Variants in MGAT4C observed in about 807,000 individuals in gnomAD.
MGAT4C encodes MGAT4 family member C.
In MGAT4C, 19 loss-of-function variants were observed where a neutral mutation model predicts 40.1. That is an observed-to-expected ratio of 0.47 (90% CI 0.33 to 0.70). The LOEUF is 0.70. Ranked by LOEUF, MGAT4C falls within the 30% of genes least tolerant of loss-of-function variation. The pLI is 0.02. For synonymous variants in MGAT4C, 181 were observed against 187.1 expected (o/e 0.97, Z 0.27); for missense variants, 491 against 563.2 (o/e 0.87, Z 1.30).
intron 4 of MGAT4C, among the ~76,000 whole-genome samples, chr12:86,296,051 AC>A (rs1953664873): frequency 1.6e-5 from 1 of 61,794 alleles, no homozygotes; most frequent in East Asian, 1.6e-3. Context: ...CCTGAGCTAG[AC>A]ATAAAGACTC....
chr12:86,713,315 T>C (rs377628556), intron 2 of MGAT4C, among the ~76,000 whole-genome samples: 6 of 152,218 alleles, frequency 3.9e-5, no homozygotes, highest in African/African-American at 1.2e-4. Context: ...TGGTTCTTTT[T>C]TCTCCCAAAT....
chr12:86,253,556 C>T (rs1592595291), intron 1 of MGAT4C, among the ~76,000 whole-genome samples: 1 of 151,866 alleles, frequency 6.6e-6, no homozygotes, highest in Non-Finnish European at 1.5e-5. Flanking sequence ...TGTATATATA[C>T]ACAAGGTTGA....
At chr12:86,618,539 C>T (rs1453012447) in intron 2 of MGAT4C, among the ~76,000 whole-genome samples, 31 of 151,970 alleles carry the variant, frequency 2.0e-4, no homozygotes, top group Non-Finnish European at 4.4e-5. Context: ...ATAGATGGAA[C>T]TGGAGGTGAT....
rs1592899682 is a variant in MGAT4C, at chr12:86,481,396, C to A, written c.-228-46131G>T. On this transcript the variant is annotated intron_variant, in intron 2 of 7. Transcript: ENST00000548651. ...TGCTTTTGTTAGCAGTGTGCATTGA[C>A]ACAACCTTCTGGAGTTTAGTCTAAC... Among the ~76,000 whole-genome samples, 3 of 152,144 alleles carry A rather than the reference C, an allele frequency of 2.0e-5. No homozygotes were observed. The East Asian group carries it at 5.8e-4, about 29-fold the overall frequency.
rs944069482 is a variant in MGAT4C, at chr12:85,956,011, T to A, written c.*23278A>T. Reference sequence around the variant, plus strand: ...AAATTAAGTCCATGAATACATATAGTAAAATGTAGAGGTTTTCAATTGGTT... The same window carrying A: ...AAATTAAGTCCATGAATACATATAGAAAAATGTAGAGGTTTTCAATTGGTT... On this transcript the variant is annotated 3_prime_UTR_variant, in exon 5 of 5. Coordinates refer to ENST00000611864, the MANE Select transcript of MGAT4C (RefSeq NM_001351288.2). The A allele has an allele frequency of 2.6e-5, 4 of 152,180 alleles. No individual in the cohort carries two copies. Among genetic ancestry groups the A allele is most frequent in the Non-Finnish European group, 1.5e-5 (1 of 68,006 alleles). The allele number at this position is 152,180 out of a possible 1,614,324, so 9.4% of individuals were successfully genotyped here.
rs1379198782 is a variant in MGAT4C at position 86,705,188 on chromosome 12, T to C, written c.-229+22021A>G. On this transcript the variant is annotated intron_variant, in intron 2 of 7. Transcript: ENST00000548651. ...TGGTCTTCCAAGGTTTTCTAAACTCTCTAATTATCTATCTATCTGTCTATT... is the reference window on the plus strand; with the variant it reads ...TGGTCTTCCAAGGTTTTCTAAACTCCCTAATTATCTATCTATCTGTCTATT... 3.3e-5 allele frequency among the ~76,000 whole-genome samples: 5 copies of C among 151,540 alleles called. No individual in the cohort carries two copies. In the East Asian group the frequency reaches 9.7e-4, roughly 30 times the overall value.
chr12:86,233,937 T>C (rs1592531067), intron 1 of MGAT4C, among the ~76,000 whole-genome samples: 1 of 152,200 alleles, frequency 6.6e-6, no homozygotes, highest in African/African-American at 2.4e-5. Context: ...TACAAGCTTA[T>C]AATATGTATT....
chr12:86,356,174 G>A (rs961541569), intron 3 of MGAT4C, among the ~76,000 whole-genome samples: 1 of 152,042 alleles, frequency 6.6e-6, no homozygotes, highest in South Asian at 2.1e-4. Flanking sequence ...AATATATTTT[G>A]AAAGAATCCA....
intron 1 of MGAT4C, among the ~76,000 whole-genome samples, chr12:86,119,728 T>C (rs1276794894): frequency 6.7e-6 from 1 of 150,334 alleles, no homozygotes; most frequent in Non-Finnish European, 1.5e-5. Flanking sequence ...CATTCTTTTT[T>C]TTTTTTTTTT....
At chr12:86,771,504 T>C (rs1593192058) in intron 1 of MGAT4C, among the ~76,000 whole-genome samples, 2 of 152,000 alleles carry the variant, frequency 1.3e-5, no homozygotes, top group East Asian at 3.9e-4. Flanking sequence ...AAAAGATAGC[T>C]GTAGAAAAAG....
intron 1 of MGAT4C, among the ~76,000 whole-genome samples, chr12:86,056,288 G>T (rs765613246): frequency 6.6e-6 from 1 of 152,128 alleles, no homozygotes; most frequent in East Asian, 1.9e-4. Flanking sequence ...ACAACGTGCA[G>T]GTTTGTTACA....
intron 1 of MGAT4C, among the ~76,000 whole-genome samples, chr12:86,105,847 CA>C (rs1876060564): frequency 6.6e-6 from 1 of 152,140 alleles, no homozygotes; most frequent in Admixed American, 6.6e-5. Flanking sequence ...CTGCCCCAAA[CA>C]GTTAAACGCA....
chr12:86,609,180 A>G (rs1962157849), intron 2 of MGAT4C, among the ~76,000 whole-genome samples: 1 of 152,160 alleles, frequency 6.6e-6, no homozygotes, highest in Non-Finnish European at 1.5e-5. Context: ...GTTAGAAAAA[A>G]CATGCAAAAT....
intron 1 of MGAT4C, among the ~76,000 whole-genome samples, chr12:86,758,663 A>T (rs549119981): frequency 6.4e-4 from 98 of 152,186 alleles, no homozygotes; most frequent in African/African-American, 2.2e-3. Flanking sequence ...TTCATATTCA[A>T]ATGAATATAG....
At chr12:86,347,786 C>T (rs1201151077) in intron 3 of MGAT4C, among the ~76,000 whole-genome samples, 2 of 152,152 alleles carry the variant, frequency 1.3e-5, no homozygotes, top group African/African-American at 4.8e-5. Context: ...TCCTAGCCAA[C>T]AATTCCTGAC....
At chr12:86,090,085 T>G (rs1244581519) in intron 1 of MGAT4C, among the ~76,000 whole-genome samples, 1 of 151,690 alleles carries the variant, frequency 6.6e-6, no homozygotes, top group African/African-American at 2.4e-5. Context: ...AATTATAATA[T>G]AGAATTGTAA....
chr12:86,401,049 A>C (rs1403917193), intron 3 of MGAT4C, among the ~76,000 whole-genome samples: 1 of 152,160 alleles, frequency 6.6e-6, no homozygotes, highest in African/African-American at 2.4e-5. Flanking sequence ...CTATTTATAA[A>C]GAAATGGCTG....
intron 2 of MGAT4C, among the ~76,000 whole-genome samples, chr12:86,481,775 T>C (rs1957942115): frequency 6.6e-6 from 1 of 151,868 alleles, no homozygotes; most frequent in South Asian, 2.1e-4. Flanking sequence ...ATAATATATT[T>C]TTATTTATTT....
chr12:86,491,298 G>T (rs1314310072), intron 2 of MGAT4C, among the ~76,000 whole-genome samples: 2 of 151,994 alleles, frequency 1.3e-5, no homozygotes, highest in African/African-American at 2.4e-5. Flanking sequence ...CATTTTATGA[G>T]GCCAGCATCA....
Sources: allele counts gnomAD v4.1 joint callset (sites outside exome capture counted in the v4.1 genomes callset), GRCh38; gene constraint gnomAD v4.1.1; transcripts MANE v1.5; gene names NCBI Gene and HGNC (gene_info 2026-07-23, HGNC 2026-07-21).